Variants in TMEM184B observed in about 807,000 individuals in gnomAD.
TMEM184B encodes the protein transmembrane protein 184B.
In TMEM184B, 17 loss-of-function variants were observed where a neutral mutation model predicts 41.8. The ratio of observed to expected loss-of-function variants is 0.41; its 90% CI spans 0.28 to 0.61. TMEM184B has a LOEUF of 0.61. Among genes scored for constraint, TMEM184B ranks in the 20% least tolerant of loss-of-function variants. The probability of loss-of-function intolerance (pLI) is 0.34; values close to 1 mark genes in which losing one functional copy is unlikely to be tolerated. For missense variants in TMEM184B, 393 were observed against 557.8 expected (o/e 0.70, Z 2.98); for synonymous variants, 240 against 229.5 (o/e 1.05, Z -0.41).
At chr22:38,237,988 T>C (rs548810608) in intron 3 of TMEM184B, among the ~76,000 whole-genome samples, 245 of 151,726 alleles carry the variant, frequency 1.6e-3, no homozygotes, top group African/African-American at 5.1e-3. Context: ...TTAGTAGAGA[T>C]GGGGTTTCTC....
At chr22:38,254,851 CT>C (rs71195097) in intron 1 of TMEM184B, among the ~76,000 whole-genome samples, 34,408 of 131,058 alleles carry the variant, frequency 0.26, 4,405 homozygotes, top group Middle Eastern at 0.36. Context: ...TTGGCACTTT[CT>C]TTTTTTTTTT....
At chr22:38,252,341 G>C (rs1340659577) in intron 1 of TMEM184B, among the ~76,000 whole-genome samples, 1 of 152,114 alleles carries the variant, frequency 6.6e-6, no homozygotes, top group Non-Finnish European at 1.5e-5. Context: ...GATTACAGGC[G>C]AGAGCCACCA....
intron 5 of TMEM184B, among the ~76,000 whole-genome samples, 186 bp downstream of exon 5, chr22:38,230,483 G>A (rs1000675055): frequency 7.2e-5 from 11 of 152,200 alleles, no homozygotes; most frequent in Admixed American, 2.0e-4. Context: ...GATGTCGGTC[G>A]CTGCCCCTCC....
chr22:38,264,510 G>A (rs1425559571), intron 1 of TMEM184B, among the ~76,000 whole-genome samples: 1 of 152,188 alleles, frequency 6.6e-6, no homozygotes, highest in Non-Finnish European at 1.5e-5. Flanking sequence ...ACAAGCTGCA[G>A]GGGACACCAC....
chr22:38,221,078 C>T lies in TMEM184B; in HGVS notation c.*391G>A. On this transcript the variant is annotated 3_prime_UTR_variant, in exon 9 of 9. Coordinates refer to ENST00000361906, the MANE Select transcript of TMEM184B (RefSeq NM_012264.5). ...TGCACGGTGTGTGGGGGAGCCACGG[C>T]TTGCCGACCTCAGCCTGAGAGTCTC... The T allele has an allele frequency of 9.4e-7, 1 of 1,062,874 alleles. No individual in the cohort carries two copies. Among genetic ancestry groups the T allele is most frequent in the Non-Finnish European group, 1.1e-6 (1 of 878,462 alleles). The allele number at this position is 1,062,874 out of a possible 1,614,324, so 65.8% of individuals were successfully genotyped here.
At chr22:38,267,018 G>C (rs1198702579) in intron 1 of TMEM184B, among the ~76,000 whole-genome samples, 2 of 151,532 alleles carry the variant, frequency 1.3e-5, no homozygotes, top group African/African-American at 4.9e-5. Context: ...GGGAAGCGGA[G>C]CTTGCAGTGA....
chr22:38,218,522 GGGGCTGGCTGGGT>G (rs2091177369), downstream of TMEM184B, among the ~76,000 whole-genome samples: 7 of 63,492 alleles, frequency 1.1e-4, no homozygotes, highest in Admixed American at 1.7e-4. Context: ...GGCTGGGTAT[GGGGCTGGCTGGGT>G]ATGGGGCCCG....
rs117623712 is a variant in TMEM184B, at chr22:38,247,411, C to T, written c.192+359G>A. On this transcript the variant is annotated intron_variant, in intron 2 of 8. Transcript: ENST00000361906. ...GGCGAGGCTTGAAGCCAGAGCCACA[C>T]GTCGGAACCTGCGCTGCACTGGGCC... Among the ~76,000 whole-genome samples, 30 of 152,322 alleles carry T rather than the reference C, an allele frequency of 2.0e-4. No homozygotes were observed. In the East Asian group the frequency reaches 4.6e-3, roughly 24 times the overall value.
chr22:38,233,388 G>A (rs182642569), intron 3 of TMEM184B, among the ~76,000 whole-genome samples: 30 of 152,346 alleles, frequency 2.0e-4, no homozygotes, highest in Admixed American at 2.0e-3. Context: ...AGGTGGCTGT[G>A]AGGCGTGAGC....
At chr22:38,238,586 T>C (rs997593540) in intron 3 of TMEM184B, among the ~76,000 whole-genome samples, 1 of 152,252 alleles carries the variant, frequency 6.6e-6, no homozygotes, top group Non-Finnish European at 1.5e-5. Flanking sequence ...AGGGAGTCCT[T>C]CTGGCAGCAA....
intron 1 of TMEM184B, among the ~76,000 whole-genome samples, chr22:38,259,663 C>T (rs1379213772): frequency 1.3e-5 from 2 of 152,242 alleles, no homozygotes; most frequent in East Asian, 1.9e-4. Flanking sequence ...CCTGCCAACA[C>T]CTCGATTTTA....
chr22:38,268,974 C>T (rs1364923140), intron 1 of TMEM184B, among the ~76,000 whole-genome samples: 2 of 152,268 alleles, frequency 1.3e-5, no homozygotes, highest in African/African-American at 4.8e-5. Context: ...TGAGCTCCAT[C>T]AGACATTGGT....
At chr22:38,265,273 C>T (rs551821040) in intron 1 of TMEM184B, among the ~76,000 whole-genome samples, 1 of 152,314 alleles carries the variant, frequency 6.6e-6, no homozygotes, top group South Asian at 2.1e-4. Flanking sequence ...CCCAACTACC[C>T]TTGTTCCAGA....
At chr22:38,254,032 C>G (rs1041670675) in intron 1 of TMEM184B, among the ~76,000 whole-genome samples, 1 of 152,026 alleles carries the variant, frequency 6.6e-6, no homozygotes, top group East Asian at 1.9e-4. Context: ...GAAACCCTGT[C>G]TCTACTAAAA....
intron 1 of TMEM184B, among the ~76,000 whole-genome samples, chr22:38,250,641 G>A (rs2092141867): frequency 6.6e-6 from 1 of 152,170 alleles, no homozygotes; most frequent in African/African-American, 2.4e-5. Context: ...AATTGTGGGG[G>A]GACCAAAGGA....
At chr22:38,231,179 G>A (rs773455933) in intron 4 of TMEM184B, 65 bp downstream of exon 4, 31 of 1,392,212 alleles carry the variant, frequency 2.2e-5, no homozygotes, top group African/African-American at 4.3e-5. Flanking sequence ...GTGCCAGGAC[G>A]GCTCGAGGTA....
chr22:38,251,948 G>A (rs559322991), intron 1 of TMEM184B, among the ~76,000 whole-genome samples: 44 of 149,956 alleles, frequency 2.9e-4, no homozygotes, highest in Non-Finnish European at 4.0e-4. Context: ...AGGCTGCAGT[G>A]CAATGACATG....
In TMEM184B at chr22:38,221,392, C is replaced by G; in HGVS notation, c.*77G>C. ...GAGCACTGTGCCAGCTGCCTCCTGG[C>G]CTGGTGGTGAGGCTGGAGGTGGGGC... On this transcript the variant is annotated 3_prime_UTR_variant, in exon 9 of 9. Coordinates refer to ENST00000361906, the MANE Select transcript of TMEM184B (RefSeq NM_012264.5). 6.6e-7 allele frequency: 1 copy of G among 1,516,582 alleles called. No individual in the cohort carries two copies. The highest frequency in any genetic ancestry group is 8.8e-7 in the Non-Finnish European group (1 of 1,137,726). The allele number at this position is 1,516,582 out of a possible 1,614,324, so 93.9% of individuals were successfully genotyped here. A position where few individuals can be genotyped will look rare whatever the true frequency, so the allele number is the denominator to read the frequency against.
chr22:38,221,875 G>C lies in TMEM184B; in HGVS notation c.983-165C>G, dbSNP rs542216708. 1.3e-5 allele frequency: 14 copies of C among 1,059,868 alleles called. No individual in the cohort carries two copies. In the South Asian group the frequency reaches 2.2e-4, roughly 16 times the overall value. 65.7% of individuals were successfully genotyped at this position (1,059,868 alleles called of 1,614,324 possible). On this transcript the variant is annotated intron_variant, in intron 8 of 8. Transcript: ENST00000361906. ...AATGGGGTCCAGGATATGAGAAGGG[G>C]CAGGAAAAAATGGACTTCTTTGGCT...
Sources: allele counts gnomAD v4.1 joint callset (sites outside exome capture counted in the v4.1 genomes callset), GRCh38; gene constraint gnomAD v4.1.1; transcripts MANE v1.5; gene names NCBI Gene and HGNC (gene_info 2026-07-23, HGNC 2026-07-21).